CNTNAP5: variants seen among roughly 807,000 people sequenced by gnomAD.
CNTNAP5 encodes contactin-associated protein-like 5.
CNTNAP5 carries 72 observed loss-of-function variants against 150.2 expected under a neutral mutation model. The ratio of observed to expected loss-of-function variants is 0.48; its 90% CI spans 0.40 to 0.58. The LOEUF (loss-of-function observed/expected upper bound fraction) is 0.58, where lower values mean the gene tolerates loss of function less well. CNTNAP5 is among the 20% of genes least tolerant of loss of function. The pLI, the probability that CNTNAP5 is intolerant of heterozygous loss-of-function variation, is 0.00. For missense variants in CNTNAP5, 1,636 were observed against 1,626.2 expected (o/e 1.01, Z -0.10); for synonymous variants, 672 against 619.8 (o/e 1.08, Z -1.25).
intron 13 of CNTNAP5, among the ~76,000 whole-genome samples, chr2:124,708,112 A>G (rs1679731349): frequency 6.6e-6 from 1 of 152,186 alleles, no homozygotes; most frequent in East Asian, 1.9e-4. Flanking sequence ...AGTTTTAATT[A>G]ATAGGCTAAA....
intron 1 of CNTNAP5, among the ~76,000 whole-genome samples, chr2:124,140,023 G>A (rs923711092): frequency 6.6e-6 from 1 of 152,142 alleles, no homozygotes; most frequent in Non-Finnish European, 1.5e-5. Context: ...AAAGAAAGGG[G>A]TGACAGACGC....
At chr2:124,029,953 T>A (rs1681000737) in intron 1 of CNTNAP5, among the ~76,000 whole-genome samples, 2 of 152,106 alleles carry the variant, frequency 1.3e-5, no homozygotes, top group African/African-American at 4.8e-5. Flanking sequence ...TCAATAGGAC[T>A]TTATTGAAAG....
intron 1 of CNTNAP5, among the ~76,000 whole-genome samples, chr2:124,216,635 C>T (rs1012527081): frequency 8.2e-4 from 125 of 152,136 alleles, no homozygotes; most frequent in African/African-American, 2.7e-3. Context: ...TGAGAACATG[C>T]GGTGTTTGGT....
intron 13 of CNTNAP5, among the ~76,000 whole-genome samples, chr2:124,729,519 A>G (rs1302680496): frequency 2.0e-5 from 3 of 152,102 alleles, no homozygotes; most frequent in Non-Finnish European, 4.4e-5. Context: ...ATGTGTAAAT[A>G]CAGTCAAACG....
chr2:124,257,680 G>A (rs578194552), intron 3 of CNTNAP5, among the ~76,000 whole-genome samples: 27 of 152,022 alleles, frequency 1.8e-4, no homozygotes, highest in African/African-American at 5.5e-4. Flanking sequence ...TCATCTCTTC[G>A]GACTTGGAAC....
chr2:124,544,753 C>A (rs1420797626), intron 10 of CNTNAP5, among the ~76,000 whole-genome samples: 1 of 152,126 alleles, frequency 6.6e-6, no homozygotes, highest in Non-Finnish European at 1.5e-5. Flanking sequence ...GTGGATTTTA[C>A]ATTTTTCTTA....
chr2:124,706,921 GA>G (rs1465590557), intron 13 of CNTNAP5, among the ~76,000 whole-genome samples: 7 of 127,220 alleles, frequency 5.5e-5, no homozygotes, highest in Non-Finnish European at 6.7e-5. Flanking sequence ...AGGAGGAGAA[GA>G]AGAAGAAGAA....
At chr2:124,800,057 CT>C (rs1681934328) in intron 19 of CNTNAP5, among the ~76,000 whole-genome samples, 1 of 152,304 alleles carries the variant, frequency 6.6e-6, no homozygotes, top group South Asian at 2.1e-4. Flanking sequence ...ATAAAGCTGA[CT>C]GAGGACACTG....
intron 3 of CNTNAP5, among the ~76,000 whole-genome samples, chr2:124,292,846 C>T (rs535597940): frequency 1.3e-5 from 2 of 151,996 alleles, no homozygotes; most frequent in Non-Finnish European, 2.9e-5. Flanking sequence ...TACAAAGAAG[C>T]CGCAGGTAGT....
chr2:124,436,758 T>C (rs1345531041), intron 5 of CNTNAP5, among the ~76,000 whole-genome samples: 2 of 152,196 alleles, frequency 1.3e-5, no homozygotes, highest in Non-Finnish European at 2.9e-5. Context: ...ATGGTGGTGA[T>C]TAAGTAAAAC....
At chr2:124,106,660 A>G (rs962204460) in intron 1 of CNTNAP5, among the ~76,000 whole-genome samples, 1 of 152,158 alleles carries the variant, frequency 6.6e-6, no homozygotes, top group Non-Finnish European at 1.5e-5. Context: ...ATGTCCTTGA[A>G]CATAAATCAG....
intron 11 of CNTNAP5, among the ~76,000 whole-genome samples, chr2:124,603,756 C>T (rs1053684992): frequency 3.9e-5 from 6 of 151,948 alleles, no homozygotes; most frequent in African/African-American, 1.5e-4. Context: ...ATAGATGCTA[C>T]GTAGGTAGAT....
intron 1 of CNTNAP5, among the ~76,000 whole-genome samples, chr2:124,074,006 AT>A (rs1349722586): frequency 6.6e-6 from 1 of 152,192 alleles, no homozygotes; most frequent in Non-Finnish European, 1.5e-5. Context: ...CTATTTATAC[AT>A]AAAAAAGAAT....
chr2:124,851,535 ATGAGGATAATT>A lies in CNTNAP5; in HGVS notation c.3218-13770_3218-13760del, dbSNP rs1354872094. 8.5e-5 allele frequency among the ~76,000 whole-genome samples: 13 copies of A among 152,328 alleles called. No individual in the cohort carries two copies. In the East Asian group the frequency reaches 2.5e-3, roughly 29 times the overall value. On this transcript the variant is annotated intron_variant, in intron 19 of 23. Coordinates refer to ENST00000682447, the MANE Select transcript of CNTNAP5 (RefSeq NM_001367498.1). ...AGAATACGTTGGCATCAGATAAAAA[ATGAGGATAATT>A]CATCTAAATTAATGAAAGGAAAGTC...
intron 1 of CNTNAP5, among the ~76,000 whole-genome samples, chr2:124,108,556 C>CA (rs1164878813): frequency 6.6e-6 from 1 of 152,150 alleles, no homozygotes; most frequent in Non-Finnish European, 1.5e-5. Flanking sequence ...TGCTCCCGTG[C>CA]TCTGTGCCAT....
At chr2:124,601,857 A>G (rs1266097121) in intron 11 of CNTNAP5, among the ~76,000 whole-genome samples, 1 of 152,216 alleles carries the variant, frequency 6.6e-6, no homozygotes, top group African/African-American at 2.4e-5. Context: ...TACATCACAA[A>G]GCTTGAATGG....
intron 1 of CNTNAP5, among the ~76,000 whole-genome samples, chr2:124,129,652 C>G (rs1463436781): frequency 2.0e-5 from 3 of 152,122 alleles, no homozygotes; most frequent in Non-Finnish European, 4.4e-5. Context: ...TTTCCTAGTG[C>G]ACAAATTTTG....
intron 13 of CNTNAP5, among the ~76,000 whole-genome samples, chr2:124,710,798 T>C (rs1231617267): frequency 6.6e-6 from 1 of 152,200 alleles, no homozygotes; most frequent in Non-Finnish European, 1.5e-5. Flanking sequence ...TTAATCGTTA[T>C]CCAGCCTGAC....
chr2:124,775,273 A>G (rs750414781), intron 17 of CNTNAP5, among the ~76,000 whole-genome samples: 26 of 152,180 alleles, frequency 1.7e-4, no homozygotes, highest in Non-Finnish European at 2.5e-4. Context: ...AGATAAATAA[A>G]TAAGCATTTT....
Sources: gnomAD v4.1 joint callset for allele counts (sites outside exome capture counted in the v4.1 genomes callset) on GRCh38, gnomAD v4.1.1 for gene constraint, MANE v1.5 for transcripts, NCBI Gene and HGNC (gene_info 2026-07-23, HGNC 2026-07-21) for gene names.